ROBO1: variants seen among roughly 807,000 people sequenced by gnomAD.
ROBO1 encodes roundabout guidance receptor 1, also known as roundabout homolog 1.
In ROBO1, 149 loss-of-function variants were observed where a neutral mutation model predicts 195.9. That is an observed-to-expected ratio of 0.76 (90% confidence interval 0.67 to 0.87). The LOEUF is 0.87. ROBO1 is among the 40% of genes least tolerant of loss of function. ROBO1 has a pLI of 0.00. For synonymous variants in ROBO1, 816 were observed against 733.2 expected, an observed-to-expected ratio of 1.11 and a Z score of -1.82; for missense variants, 1,933 against 2,068.3, an observed-to-expected ratio of 0.93 and a Z score of 1.27.
chr3:78,602,065 TG>T (rs879545731), intron 29 of ROBO1, among the ~76,000 whole-genome samples: 1 of 151,720 alleles, frequency 6.6e-6, no homozygotes, highest in African/African-American at 2.4e-5. Context: ...TGTGTGTGTG[TG>T]TATATATATA....
At chr3:79,006,164 C>A (rs1228335619) in intron 3 of ROBO1, among the ~76,000 whole-genome samples, 1 of 152,068 alleles carries the variant, frequency 6.6e-6, no homozygotes, top group Non-Finnish European at 1.5e-5. Context: ...GTTTTGTTGT[C>A]TTTGTTTGTT....
chr3:79,740,344 A>C (rs1703588981), intron 1 of ROBO1, among the ~76,000 whole-genome samples: 2 of 151,586 alleles, frequency 1.3e-5, no homozygotes, highest in Non-Finnish European at 2.9e-5. Context: ...GGAATCCATT[A>C]ATAAATGCCA....
intron 3 of ROBO1, among the ~76,000 whole-genome samples, chr3:79,104,684 G>A (rs1001596154): frequency 6.6e-6 from 1 of 151,582 alleles, no homozygotes; most frequent in Non-Finnish European, 1.5e-5. Flanking sequence ...GCATAAAGAG[G>A]TTACTTAGCC....
intron 4 of ROBO1, among the ~76,000 whole-genome samples, chr3:78,806,499 T>A (rs934526234): frequency 6.6e-6 from 1 of 152,138 alleles, no homozygotes; most frequent in Non-Finnish European, 1.5e-5. Flanking sequence ...CTTAATAGTA[T>A]GTTTGGAAAA....
chr3:79,738,666 G>A (rs993219738), intron 1 of ROBO1, among the ~76,000 whole-genome samples: 5 of 152,076 alleles, frequency 3.3e-5, no homozygotes, highest in Non-Finnish European at 7.4e-5. Flanking sequence ...GAGTTAAAAT[G>A]GGGAAAAGTA....
At chr3:79,408,401 A>AT (rs946372884) in intron 2 of ROBO1, among the ~76,000 whole-genome samples, 1 of 151,940 alleles carries the variant, frequency 6.6e-6, no homozygotes, top group African/African-American at 2.4e-5. Context: ...GAATAAATGT[A>AT]TTTTTTCAGA....
intron 2 of ROBO1, among the ~76,000 whole-genome samples, chr3:79,229,985 A>G (rs2108848659): frequency 6.6e-6 from 1 of 152,274 alleles, no homozygotes; most frequent in Non-Finnish European, 1.5e-5. Flanking sequence ...ATTTCAAGAA[A>G]GTCTTCCAAT....
At chr3:79,528,702 A>G (rs536933158) in intron 2 of ROBO1, among the ~76,000 whole-genome samples, 1 of 152,330 alleles carries the variant, frequency 6.6e-6, no homozygotes, top group South Asian at 2.1e-4. Flanking sequence ...GGCAAGGCTT[A>G]AAATGATTCT....
intron 2 of ROBO1, among the ~76,000 whole-genome samples, chr3:79,364,982 T>C (rs1348265516): frequency 6.6e-6 from 1 of 152,164 alleles, no homozygotes; most frequent in Non-Finnish European, 1.5e-5. Context: ...TGGGGAAACT[T>C]CCACTCTGAC....
intron 2 of ROBO1, among the ~76,000 whole-genome samples, chr3:79,416,453 AAAC>A (rs1192015788): frequency 6.6e-6 from 1 of 150,480 alleles, no homozygotes; most frequent in Non-Finnish European, 1.5e-5. Context: ...AAAAAAAAAG[AAAC>A]AACAACAACA....
At chr3:79,099,410 A>T (rs1470709614) in intron 3 of ROBO1, among the ~76,000 whole-genome samples, 1 of 151,792 alleles carries the variant, frequency 6.6e-6, no homozygotes, top group Non-Finnish European at 1.5e-5. Flanking sequence ...CCTAAGTGCC[A>T]GTAGAAGACA....
chr3:79,336,665 A>T (rs939775310), intron 2 of ROBO1, among the ~76,000 whole-genome samples: 5 of 152,226 alleles, frequency 3.3e-5, no homozygotes. Flanking sequence ...CCCCACAGAA[A>T]GTCCCCACTG....
intron 18 of ROBO1, among the ~76,000 whole-genome samples, chr3:78,653,058 C>G (rs1403894382): frequency 1.3e-5 from 2 of 152,200 alleles, no homozygotes; most frequent in African/African-American, 4.8e-5. Flanking sequence ...AGGATTGGTG[C>G]TTTCTTACAA....
chr3:79,056,155 C>T (rs955914946), intron 3 of ROBO1, among the ~76,000 whole-genome samples: 3 of 152,126 alleles, frequency 2.0e-5, no homozygotes, highest in Non-Finnish European at 2.9e-5. Flanking sequence ...CTACATAAAT[C>T]GGACTGTGAA....
chr3:79,519,700 C>A (rs1941124000), intron 2 of ROBO1, among the ~76,000 whole-genome samples: 1 of 150,758 alleles, frequency 6.6e-6, no homozygotes, highest in Non-Finnish European at 1.5e-5. Context: ...GTTGTCCCAG[C>A]CAGGAGAAGG....
intron 2 of ROBO1, among the ~76,000 whole-genome samples, chr3:79,218,352 C>T (rs967742911): frequency 6.6e-6 from 1 of 151,938 alleles, no homozygotes; most frequent in African/African-American, 2.4e-5. Context: ...GCTCCCAAAC[C>T]ATCCCCATCA....
chr3:79,550,168 G>GAAAGAAAGAAATA, intron 2 of ROBO1, among the ~76,000 whole-genome samples: 1 of 96,912 alleles, frequency 1.0e-5, no homozygotes. Context: ...AGAAAGAAAG[G>GAAAGAAAGAAATA]AAGAAAGAAA....
chr3:78,936,555 T>C (rs2039817673), intron 4 of ROBO1, among the ~76,000 whole-genome samples: 1 of 152,100 alleles, frequency 6.6e-6, no homozygotes, highest in Non-Finnish European at 1.5e-5. Flanking sequence ...GTATCTATAC[T>C]GAATATGTAT....
At position 79,725,985 on chromosome 3, in the gene ROBO1, T is replaced by A. The variant is rs141925058; in HGVS notation, c.-51+41767A>T. Among the ~76,000 whole-genome samples, 428 of 152,248 alleles carry A rather than the reference T, an allele frequency of 2.8e-3. 2 individuals carry two copies. The highest frequency in any genetic ancestry group is 1.0e-2 in the African/African-American group (414 of 41,550). On this transcript the variant is annotated intron_variant, in intron 1 of 30. Coordinates refer to ENST00000464233, the MANE Select transcript of ROBO1 (RefSeq NM_002941.4). Reference sequence around the variant, plus strand: ...ACCCTAAGTTGTAGCTCTGGAACTTTAAGAGAATCTCAAGAAGTCAAATCA... The same window carrying A: ...ACCCTAAGTTGTAGCTCTGGAACTTAAAGAGAATCTCAAGAAGTCAAATCA...
Sources: allele counts gnomAD v4.1 joint callset (sites outside exome capture counted in the v4.1 genomes callset), GRCh38; gene constraint gnomAD v4.1.1; transcripts MANE v1.5; gene names NCBI Gene and HGNC (gene_info 2026-07-23, HGNC 2026-07-21).